EYS: variants seen among roughly 807,000 people sequenced by gnomAD.
The protein encoded by EYS is EGF-like photoreceptor maintenance factor, also known as protein eyes shut homolog.
EYS carries 250 observed loss-of-function variants against 282.1 expected under a neutral mutation model. The observed-to-expected ratio is 0.89, with a 90% CI of 0.80 to 0.98. EYS has a LOEUF of 0.98. EYS is among the 50% of genes least tolerant of loss of function. The probability of loss-of-function intolerance (pLI) is 0.00; values close to 1 mark genes in which losing one functional copy is unlikely to be tolerated. For missense variants in EYS, 4,016 were observed against 3,709.0 expected, an observed-to-expected ratio of 1.08 and a Z score of -2.15; for synonymous variants, 1,355 against 1,282.9, an observed-to-expected ratio of 1.06 and a Z score of -1.20.
At position 64,703,429 on chromosome 6, in the gene EYS, A is replaced by ATT. The variant is rs1554194865; in HGVS notation, c.3444-77186_3444-77185dup. On this transcript the variant is annotated intron_variant, in intron 22 of 42. Coordinates refer to ENST00000503581, the MANE Select transcript of EYS (RefSeq NM_001142800.2). ...CACACACATATATATATATATATAT[A>ATT]TTTTTTTTTTTTTTTTTTGAGATGG... Among the ~76,000 whole-genome samples, 9 of 23,362 alleles carry ATT rather than the reference A, an allele frequency of 3.9e-4. 1 individual carries two copies. Among genetic ancestry groups the ATT allele is most frequent in the East Asian group, 2.4e-3 (3 of 1,230 alleles). The allele number at this position is 23,362 out of a possible 152,430, so 15.3% of individuals were successfully genotyped here.
intron 19 of EYS, among the ~76,000 whole-genome samples, chr6:64,865,897 A>G (rs1446781564): frequency 2.0e-5 from 3 of 152,082 alleles, no homozygotes; most frequent in Non-Finnish European, 4.4e-5. Flanking sequence ...TGAAGTAGAG[A>G]TCAGAATCAC....
chr6:63,985,098 C>T (rs1408169365), intron 34 of EYS, among the ~76,000 whole-genome samples: 1 of 151,536 alleles, frequency 6.6e-6, no homozygotes, highest in East Asian at 1.9e-4. Flanking sequence ...GAGGTCAATA[C>T]TGGAATAAGG....
intron 35 of EYS, among the ~76,000 whole-genome samples, chr6:63,967,299 A>T (rs1480494075): frequency 6.6e-6 from 1 of 152,168 alleles, no homozygotes; most frequent in Admixed American, 6.6e-5. Flanking sequence ...TATTTTTGGA[A>T]TTTTTTAATT....
chr6:65,060,116 C>T (rs1356278937), intron 12 of EYS, among the ~76,000 whole-genome samples: 1 of 151,894 alleles, frequency 6.6e-6, no homozygotes, highest in Admixed American at 6.6e-5. Context: ...AATTTCTTTC[C>T]ACCCCTCATC....
chr6:64,135,020 G>T (rs781342293), intron 31 of EYS, among the ~76,000 whole-genome samples: 1 of 152,092 alleles, frequency 6.6e-6, no homozygotes, highest in Admixed American at 6.6e-5. Flanking sequence ...GACAATATGC[G>T]TATCCAGGAG....
chr6:64,690,717 A>T (rs1770348730), intron 22 of EYS, among the ~76,000 whole-genome samples: 1 of 152,122 alleles, frequency 6.6e-6, no homozygotes, highest in African/African-American at 2.4e-5. Context: ...TTCTGAGCAT[A>T]CTCGCGCAAG....
chr6:64,261,761 A>T (rs755067189), intron 30 of EYS, among the ~76,000 whole-genome samples: 2 of 150,504 alleles, frequency 1.3e-5, no homozygotes, highest in Non-Finnish European at 3.0e-5. Context: ...TACTAATGGG[A>T]TATATACCTA....
chr6:65,250,761 T>C (rs1190817027), intron 12 of EYS, among the ~76,000 whole-genome samples: 1 of 151,710 alleles, frequency 6.6e-6, no homozygotes, highest in Non-Finnish European at 1.5e-5. Context: ...AAGAGATAGA[T>C]ATTTTAAGTC....
intron 14 of EYS, among the ~76,000 whole-genome samples, chr6:64,955,642 C>A (rs1769676628): frequency 6.6e-6 from 1 of 152,186 alleles, no homozygotes; most frequent in Admixed American, 6.5e-5. Flanking sequence ...ATCGGCATTG[C>A]AGTTTTGGCT....
chr6:63,828,920 G>C (rs748650171), intron 36 of EYS, among the ~76,000 whole-genome samples: 2 of 152,212 alleles, frequency 1.3e-5, no homozygotes, highest in Non-Finnish European at 2.9e-5. Context: ...ACTGTGTGGA[G>C]ATTCCTTAAA....
intron 39 of EYS, among the ~76,000 whole-genome samples, chr6:63,785,098 C>A (rs1770329444): frequency 6.6e-6 from 1 of 152,096 alleles, no homozygotes; most frequent in Non-Finnish European, 1.5e-5. Flanking sequence ...ATTTTGAGAA[C>A]CACTGTACAA....
At chr6:63,843,946 A>C (rs1581884322) in intron 36 of EYS, among the ~76,000 whole-genome samples, 1 of 152,092 alleles carries the variant, frequency 6.6e-6, no homozygotes, top group East Asian at 1.9e-4. Context: ...GCACAGATCA[A>C]CCCATCACCT....
chr6:64,671,502 T>C (rs1769461721), intron 22 of EYS, among the ~76,000 whole-genome samples: 1 of 152,168 alleles, frequency 6.6e-6, no homozygotes, highest in Non-Finnish European at 1.5e-5. Context: ...CCATGTATTA[T>C]ATTTTTGTTG....
At chr6:65,161,770 T>C (rs1330190690) in intron 12 of EYS, among the ~76,000 whole-genome samples, 1 of 151,126 alleles carries the variant, frequency 6.6e-6, no homozygotes, top group East Asian at 2.0e-4. Context: ...TGAAGCAATA[T>C]GTAGTAACAG....
At chr6:64,444,438 G>C (rs912141019) in intron 26 of EYS, among the ~76,000 whole-genome samples, 1 of 151,962 alleles carries the variant, frequency 6.6e-6, no homozygotes, top group Non-Finnish European at 1.5e-5. Context: ...GAAATATACT[G>C]CCTGACAATA....
At chr6:64,909,882 C>T (rs895701755) in intron 16 of EYS, among the ~76,000 whole-genome samples, 3 of 152,116 alleles carry the variant, frequency 2.0e-5, no homozygotes, top group Middle Eastern at 3.2e-3. Flanking sequence ...ATTCTACTTG[C>T]TGGTCCTTCA....
At chr6:65,195,528 T>C (rs841530) in intron 12 of EYS, among the ~76,000 whole-genome samples, 57,387 of 151,904 alleles carry the variant, frequency 0.38, 12,042 homozygotes, top group African/African-American at 0.57. Context: ...CACAGTGATG[T>C]TATAGCCATG....
chr6:64,444,094 T>G (rs1397142763), intron 26 of EYS, among the ~76,000 whole-genome samples: 1 of 139,250 alleles, frequency 7.2e-6, no homozygotes, highest in South Asian at 2.3e-4. Context: ...CTTATTCCTC[T>G]CATGAAATTA....
At chr6:65,082,534 C>T (rs1774255924) in intron 12 of EYS, among the ~76,000 whole-genome samples, 1 of 151,962 alleles carries the variant, frequency 6.6e-6, no homozygotes, top group Non-Finnish European at 1.5e-5. Context: ...AAAATCATAA[C>T]ATACTCTACT....
Sources: gnomAD v4.1 joint callset for allele counts (sites outside exome capture counted in the v4.1 genomes callset) on GRCh38, gnomAD v4.1.1 for gene constraint, MANE v1.5 for transcripts, NCBI Gene and HGNC (gene_info 2026-07-23, HGNC 2026-07-21) for gene names.